SYNE1: variants seen among roughly 807,000 people sequenced by gnomAD.
SYNE1 encodes the protein nesprin-1.
In SYNE1, 616 loss-of-function variants were observed where a neutral mutation model predicts 1,111.0. The ratio of observed to expected loss-of-function variants is 0.55; its 90% CI spans 0.52 to 0.59. The LOEUF (loss-of-function observed/expected upper bound fraction) is 0.59. Ranked by LOEUF, SYNE1 falls within the 20% of genes least tolerant of loss-of-function variation. SYNE1 has a pLI of 0.00. For missense variants in SYNE1, 10,006 were observed against 10,417.0 expected (o/e 0.96, Z 1.72); for synonymous variants, 3,855 against 3,825.8 (o/e 1.01, Z -0.28).
At chr6:152,293,179 C>G (rs962658697) in intron 95 of SYNE1, among the ~76,000 whole-genome samples, 1 of 152,194 alleles carries the variant, frequency 6.6e-6, no homozygotes, top group Non-Finnish European at 1.5e-5. Flanking sequence ...GGGGCACCCC[C>G]TGGCTAAGTT....
chr6:152,510,118 C>A, intron 8 of SYNE1, 75 bp downstream of exon 8: 1 of 1,412,674 alleles, frequency 7.1e-7, no homozygotes, highest in Non-Finnish European at 1.0e-6. Flanking sequence ...ATTTCGCAAT[C>A]ATTAGAAGTT....
intron 126 of SYNE1, 50 bp downstream of exon 126, chr6:152,206,118 T>C (rs1158221888): frequency 6.4e-7 from 1 of 1,555,946 alleles, no homozygotes; most frequent in Non-Finnish European, 8.8e-7. Context: ...GAGGAAGTAG[T>C]ACAACGACTA....
intron 3 of SYNE1, among the ~76,000 whole-genome samples, chr6:152,551,699 G>C (rs1414177390): frequency 1.3e-5 from 2 of 152,130 alleles, no homozygotes; most frequent in African/African-American, 2.4e-5. Context: ...CCCTCCTACT[G>C]TTTGCTACAA....
At chr6:152,132,517 A>G (rs890591650) in intron 143 of SYNE1, among the ~76,000 whole-genome samples, 15 of 152,176 alleles carry the variant, frequency 9.9e-5, no homozygotes, top group Non-Finnish European at 2.2e-4. Context: ...ATGAATTGAT[A>G]TTGGCTTGGG....
chr6:152,458,641 G>T, intron 22 of SYNE1, 116 bp downstream of exon 22: 1 of 1,110,618 alleles, frequency 9.0e-7, no homozygotes, highest in Non-Finnish European at 1.3e-6. Context: ...TGAGTTAGTA[G>T]TACTATTCTA....
At chr6:152,179,780 G>A (rs1238440397) in intron 129 of SYNE1, among the ~76,000 whole-genome samples, 7 of 145,984 alleles carry the variant, frequency 4.8e-5, no homozygotes, top group Non-Finnish European at 1.0e-4. Context: ...CGCCTTCTGG[G>A]TTCAAGTGAT....
Position 152,249,156 on chromosome 6 carries a change from A to T in SYNE1, c.19572+5T>A, listed in dbSNP as rs1562493752. 1.3e-6 allele frequency: 2 copies of T among 1,597,368 alleles called. No homozygotes were observed. Among genetic ancestry groups the T allele is most frequent in the Non-Finnish European group, 1.7e-6 (2 of 1,164,824 alleles). ...TCTCTTCTAGGAAAAGGCAGCTATA[A>T]ATACCTCTATTTGTTCTGCTACGGG... On this transcript the variant is annotated splice_donor_5th_base_variant and intron_variant, in intron 105 of 145. Transcript: ENST00000367255.
At chr6:152,635,699 A>T (rs1479869861) in intron 2 of SYNE1, among the ~76,000 whole-genome samples, 1 of 152,248 alleles carries the variant, frequency 6.6e-6, no homozygotes, top group African/African-American at 2.4e-5. Context: ...ATGGATGGGC[A>T]TTAAAGAAGA....
intron 72 of SYNE1, among the ~76,000 whole-genome samples, chr6:152,348,521 C>A (rs1238746703): frequency 6.6e-6 from 1 of 152,008 alleles, no homozygotes; most frequent in Non-Finnish European, 1.5e-5. Flanking sequence ...CCTGTCTCTA[C>A]TAAAAATACA....
At chr6:152,520,037 T>C (rs1195695403) in intron 6 of SYNE1, among the ~76,000 whole-genome samples, 1 of 152,018 alleles carries the variant, frequency 6.6e-6, no homozygotes, top group East Asian at 1.9e-4. Flanking sequence ...GTCAAGGTCA[T>C]GAAAGACAAG....
chr6:152,234,898 G>T (rs1588406595), intron 110 of SYNE1, 98 bp from the exon 111 acceptor site: 10 of 1,388,382 alleles, frequency 7.2e-6, no homozygotes, highest in Admixed American at 3.8e-5. Context: ...AAAACGAGAG[G>T]TCTGAAGATT....
At chr6:152,347,263 T>G (rs1440924130) in intron 72 of SYNE1, 28 bp from the exon 73 acceptor site, 15 of 1,613,534 alleles carry the variant, frequency 9.3e-6, no homozygotes, top group African/African-American at 1.3e-5. Flanking sequence ...ATACAGAGTT[T>G]TCAGAATTCT....
In SYNE1 at chr6:152,148,668, G is replaced by GC. The variant is rs1214431242; in HGVS notation, c.24643-291_24643-290insG. On this transcript the variant is annotated intron_variant, in intron 136 of 145. Transcript: ENST00000367255. This position sits in a 1 kb window ranked among gnomAD's most constrained non-coding sequence, Gnocchi z 4.1. The stretch of plus-strand genomic sequence containing the variant: ...GAATAACAGTCCCAGGCATCCCACA[G>GC]GGTTTTTTTTTTTTGAGTGGGAAAA... Among the ~76,000 whole-genome samples the GC allele has an allele frequency of 1.8e-5, 2 of 114,008 alleles. No individual in the cohort carries two copies. Among genetic ancestry groups the GC allele is most frequent in the African/African-American group, 6.4e-5 (2 of 31,206 alleles). 74.8% of individuals were successfully genotyped at this position (114,008 alleles called of 152,430 possible).
intron 138 of SYNE1, among the ~76,000 whole-genome samples, chr6:152,142,926 A>G (rs1200084854): frequency 6.6e-6 from 1 of 152,238 alleles, no homozygotes; most frequent in African/African-American, 2.4e-5. Flanking sequence ...TTTGGATATG[A>G]AAGAAGACGT....
chr6:152,353,182 T>G, intron 69 of SYNE1, 81 bp downstream of exon 69: 1 of 1,528,142 alleles, frequency 6.5e-7, no homozygotes, highest in Non-Finnish European at 9.1e-7. Flanking sequence ...TGATCACCTG[T>G]GTTTCCAGTA....
chr6:152,206,618 GGGAC>G (rs1434534648), intron 125 of SYNE1, among the ~76,000 whole-genome samples: 3 of 152,152 alleles, frequency 2.0e-5, no homozygotes. Context: ...GAAATACAGA[GGGAC>G]ATCTGACCCA....
At chr6:152,136,956 G>A in intron 140 of SYNE1, 138 bp from the exon 141 acceptor site, 4 of 852,068 alleles carry the variant, frequency 4.7e-6, no homozygotes, top group Non-Finnish European at 5.7e-6. Flanking sequence ...GACAGAGGGT[G>A]CGTACCACTG....
intron 73 of SYNE1, among the ~76,000 whole-genome samples, chr6:152,346,654 C>T (rs201509032): frequency 6.6e-6 from 1 of 151,754 alleles, no homozygotes; most frequent in Admixed American, 6.6e-5. Flanking sequence ...ACTAAAAATA[C>T]AAAAAATTAG....
At chr6:152,181,082 CAAA>C (rs11439578) in intron 128 of SYNE1, among the ~76,000 whole-genome samples, 1 of 124,620 alleles carries the variant, frequency 8.0e-6, no homozygotes, top group African/African-American at 3.0e-5. Context: ...TTTATCATTC[CAAA>C]AAAAAAAAAA....
Sources: gnomAD v4.1 joint callset for allele counts (sites outside exome capture counted in the v4.1 genomes callset) on GRCh38, gnomAD v4.1.1 for gene constraint, Gnocchi (gnomAD v3.1) non-coding constraint, MANE v1.5 for transcripts, NCBI Gene and HGNC (gene_info 2026-07-23, HGNC 2026-07-21) for gene names.